The following ABCA13 variants were observed in gnomAD, a reference collection of about 807,000 sequenced individuals.
ABCA13 encodes the protein ATP-binding cassette sub-family A member 13.
In ABCA13, 476 loss-of-function variants were observed where a neutral mutation model predicts 478.7. The observed-to-expected ratio is 0.99, with a 90% CI of 0.92 to 1.07. The LOEUF is 1.07. Ranked by LOEUF, ABCA13 falls within the 50% of genes least tolerant of loss-of-function variation. The pLI is 0.00. For missense variants in ABCA13, 6,060 were observed against 5,910.6 expected (o/e 1.03, Z -0.83); for synonymous variants, 2,252 against 2,158.9 (o/e 1.04, Z -1.20).
chr7:48,381,561 C>T (rs1308032375), intron 35 of ABCA13, among the ~76,000 whole-genome samples: 2 of 152,142 alleles, frequency 1.3e-5, no homozygotes, highest in East Asian at 1.9e-4. Flanking sequence ...TCAGCGTCAA[C>T]TGCAGGTCTC....
chr7:48,475,818 G>T (rs142943380), intron 45 of ABCA13, among the ~76,000 whole-genome samples: 381 of 152,228 alleles, frequency 2.5e-3, no homozygotes, highest in Admixed American at 3.9e-3. Flanking sequence ...CTACAAAAAG[G>T]TTCCATGGTT....
intron 1 of ABCA13, among the ~76,000 whole-genome samples, chr7:48,172,886 G>A (rs1445967017): frequency 6.7e-6 from 1 of 149,624 alleles, no homozygotes; most frequent in African/African-American, 2.5e-5. Context: ...GATTGTTAGT[G>A]TGTTCGTGTC....
intron 20 of ABCA13, among the ~76,000 whole-genome samples, chr7:48,290,939 GGAAAAAAAAAAAAAAA>G (rs1798433346): frequency 1.3e-5 from 1 of 79,612 alleles, no homozygotes; most frequent in African/African-American, 5.2e-5. Context: ...TCACACTCAG[GGAAAAAAAAAAAAAAA>G]AAAAAAAAAA....
intron 19 of ABCA13, among the ~76,000 whole-genome samples, chr7:48,285,243 G>A (rs1355863175): frequency 6.6e-6 from 1 of 152,170 alleles, no homozygotes; most frequent in Non-Finnish European, 1.5e-5. Context: ...GGGAGGAGAG[G>A]AAAGGGGTCC....
intron 1 of ABCA13, among the ~76,000 whole-genome samples, chr7:48,188,339 T>A (rs1056574523): frequency 6.6e-5 from 10 of 152,224 alleles, no homozygotes; most frequent in African/African-American, 2.4e-4. Context: ...GCCTCATTGT[T>A]CACTTTCCTT....
At chr7:48,592,092 T>A (rs1017312480) in intron 57 of ABCA13, among the ~76,000 whole-genome samples, 1 of 151,920 alleles carries the variant, frequency 6.6e-6, no homozygotes, top group Non-Finnish European at 1.5e-5. Context: ...TGTGGGCTTA[T>A]GATATATGGC....
At chr7:48,429,472 GAC>G (rs373724302) in intron 42 of ABCA13, among the ~76,000 whole-genome samples, 51 of 152,304 alleles carry the variant, frequency 3.3e-4, no homozygotes, top group African/African-American at 1.2e-3. Context: ...TAGTGGATGT[GAC>G]ACACACCTTA....
rs369928374 is a variant in ABCA13, at chr7:48,275,301, C to T, written c.5635C>T (p.Arg1879Ter). 38 of 1,613,714 alleles carry T rather than the reference C, an allele frequency of 2.4e-5. No individual in the cohort carries two copies. The highest frequency in any genetic ancestry group is 3.3e-4 in the Middle Eastern group (2 of 6,084). The change falls in exon 17 of 62, where the codon CGA becomes TGA. Residue 1879 changes from arginine (R) to a stop codon, truncating the protein, a stop_gained. Transcript: ENST00000435803. LOFTEE classifies it high-confidence loss of function. ...EDSPCSNESS[R>*]MEITRKVVCI... Reference sequence around the variant, plus strand: ...TTCACCATGTTCAAATGAAAGCTCCCGAATGGAAATAACTAGGAAAGTGGT... The same window carrying T: ...TTCACCATGTTCAAATGAAAGCTCCTGAATGGAAATAACTAGGAAAGTGGT...
In ABCA13 at chr7:48,276,255, A is replaced by G; in HGVS notation, c.6589A>G (p.Asn2197Asp). ...THLLNQEQLT[N>D]FSVVQLLFEN... The stretch of plus-strand genomic sequence containing the variant: ...TCTGCTAAATCAAGAACAGCTGACT[A>G]ATTTCTCAGTTGTTCAGCTGCTTTT... Residue 2197 changes from asparagine (N) to aspartate (D), a missense_variant, in exon 17 of 62, where the codon AAT becomes GAT. Coordinates refer to ENST00000435803, the MANE Select transcript of ABCA13 (RefSeq NM_152701.5). The G allele has an allele frequency of 6.4e-7, 1 of 1,572,350 alleles. No individual in the cohort carries two copies. The highest frequency in any genetic ancestry group is 1.9e-5 in the Admixed American group (1 of 53,740).
intron 5 of ABCA13, among the ~76,000 whole-genome samples, chr7:48,223,227 G>T (rs1395075785): frequency 6.6e-6 from 1 of 152,106 alleles, no homozygotes; most frequent in Admixed American, 6.5e-5. Flanking sequence ...AAATTGATTT[G>T]GGGGATGTCA....
intron 55 of ABCA13, among the ~76,000 whole-genome samples, chr7:48,563,827 TG>T (rs1563442696): frequency 0.032 from 4,087 of 129,262 alleles, 163 homozygotes; most frequent in African/African-American, 0.11. Context: ...TGTGTGTGTG[TG>T]TGTGTGTGTG....
chr7:48,374,678 A>G (rs573734517), intron 34 of ABCA13, among the ~76,000 whole-genome samples: 22 of 152,286 alleles, frequency 1.4e-4, no homozygotes, highest in African/African-American at 5.3e-4. Flanking sequence ...GGTCTTCCTT[A>G]TACCACCCTT....
intron 37 of ABCA13, among the ~76,000 whole-genome samples, chr7:48,390,357 G>C (rs892703348): frequency 6.6e-6 from 1 of 152,184 alleles, no homozygotes; most frequent in Non-Finnish European, 1.5e-5. Flanking sequence ...TCAAAGACGG[G>C]GGGGTCTTCA....
intron 58 of ABCA13, among the ~76,000 whole-genome samples, chr7:48,610,551 C>T (rs1285933749): frequency 6.6e-6 from 1 of 152,208 alleles, no homozygotes; most frequent in Admixed American, 6.5e-5. Flanking sequence ...AGTGGGGACT[C>T]TGTGTGGGTG....
intron 42 of ABCA13, among the ~76,000 whole-genome samples, chr7:48,430,402 G>A (rs574748241): frequency 1.3e-4 from 20 of 152,096 alleles, no homozygotes; most frequent in East Asian, 3.9e-4. Flanking sequence ...TTTGTCAGGC[G>A]TGGTGGCTCA....
At chr7:48,239,537 C>T (rs890756594) in intron 9 of ABCA13, 132 bp downstream of exon 9, 8 of 1,069,962 alleles carry the variant, frequency 7.5e-6, no homozygotes, top group Non-Finnish European at 1.0e-5. Flanking sequence ...TTAGGAGCCC[C>T]ACATCCTGGC....
At chr7:48,471,211 G>A (rs1585471816) in intron 44 of ABCA13, among the ~76,000 whole-genome samples, 1 of 152,220 alleles carries the variant, frequency 6.6e-6, no homozygotes, top group South Asian at 2.1e-4. Context: ...CTTGGTACCT[G>A]TTTATGAGAC....
At chr7:48,435,703 T>C (rs2129152034) in intron 42 of ABCA13, among the ~76,000 whole-genome samples, 1 of 151,932 alleles carries the variant, frequency 6.6e-6, no homozygotes, top group Middle Eastern at 3.4e-3. Flanking sequence ...ATTTCTAGTT[T>C]GTTAAGTGTT....
At chr7:48,262,603 T>C (rs552223234) in intron 15 of ABCA13, among the ~76,000 whole-genome samples, 1 of 152,086 alleles carries the variant, frequency 6.6e-6, no homozygotes, top group South Asian at 2.1e-4. Flanking sequence ...ATCTATGTGG[T>C]TGTATATTTT....
Sources: allele counts gnomAD v4.1 joint callset (sites outside exome capture counted in the v4.1 genomes callset), GRCh38; gene constraint gnomAD v4.1.1; transcripts MANE v1.5; gene names NCBI Gene and HGNC (gene_info 2026-07-23, HGNC 2026-07-21).